The following DSC1 variants were observed in gnomAD, a reference collection of about 807,000 sequenced individuals.
The protein encoded by DSC1 is desmocollin-1.
A neutral mutation model predicts 98.8 loss-of-function variants in DSC1; 79 were observed. The ratio of observed to expected loss-of-function variants is 0.80; its 90% CI spans 0.67 to 0.96. The LOEUF (loss-of-function observed/expected upper bound fraction) is 0.96. DSC1 is among the 50% of genes least tolerant of loss of function. The probability of loss-of-function intolerance (pLI) is 0.00; values close to 1 mark genes in which losing one functional copy is unlikely to be tolerated. For synonymous variants in DSC1, 405 were observed against 372.1 expected (o/e 1.09, Z -1.02); for missense variants, 1,115 against 1,075.9 (o/e 1.04, Z -0.51).
chr18:31,143,934 T>C (rs1988790092), intron 7 of DSC1, 143 bp from the exon 8 acceptor site: 2 of 592,026 alleles, frequency 3.4e-6, no homozygotes, highest in East Asian at 3.8e-5. Context: ...TTATTTGAGA[T>C]GGGGTCTCAC....
chr18:31,140,407 A>G, intron 9 of DSC1, 106 bp from the exon 10 acceptor site: 1 of 1,260,310 alleles, frequency 7.9e-7, no homozygotes, highest in African/African-American at 1.5e-5. Context: ...TTAAAATGTA[A>G]CCTAAAGTTA....
At chr18:31,153,405 T>C (rs16961359) in intron 5 of DSC1, among the ~76,000 whole-genome samples, 2,252 of 152,306 alleles carry the variant, frequency 0.015, 56 homozygotes, top group African/African-American at 0.051. Context: ...CTTAGCTTAC[T>C]TCTCCTGTAA....
Position 31,157,364 on chromosome 18 carries a change from C to A in DSC1, c.351+7G>T. ...TGTGCTAGGCTGCTTAAGCCCTTGC[C>A]TTATACCTTGTTTTCTCTTGCTGAC... On this transcript the variant is annotated splice_region_variant and intron_variant, in intron 3 of 15. Transcript: ENST00000257198. The A allele has an allele frequency of 6.2e-7, 1 of 1,613,968 alleles. No individual in the cohort carries two copies. The highest frequency in any genetic ancestry group is 2.2e-5 in the East Asian group (1 of 44,882).
chr18:31,150,465 C>T (rs371924104), intron 5 of DSC1, among the ~76,000 whole-genome samples: 1 of 146,316 alleles, frequency 6.8e-6, no homozygotes. Context: ...CCACCATCAT[C>T]ATCACCAGCA....
chr18:31,144,957 T>A (rs1988813903), intron 7 of DSC1, among the ~76,000 whole-genome samples: 1 of 136,672 alleles, frequency 7.3e-6, no homozygotes, highest in East Asian at 2.5e-4. Flanking sequence ...TTTTTTTTTT[T>A]GAGACGGAGT....
In DSC1 at chr18:31,130,578, A is replaced by T. The variant is rs368506186; in HGVS notation, c.2621T>A (p.Leu874Gln). Residue 874 changes from leucine to glutamine, a missense_variant, in exon 16 of 16, where the codon CTG becomes CAG. By Grantham distance (113) the Leu-to-Gln change is moderately radical. Transcript: ENST00000257198. ...GGGTTCCAGGTGATCTAGAAACTCC[A>T]GTCCCTCTTCTTCCTGCCGATCGCT... The part of the protein sequence containing the change: ...CCSDRQEEEG[L>Q]EFLDHLEPKF... The T allele has an allele frequency of 1.2e-6, 2 of 1,614,066 alleles. No homozygotes were observed. Among genetic ancestry groups the T allele is most frequent in the African/African-American group, 2.7e-5 (2 of 74,930 alleles).
Position 31,140,204 on chromosome 18 carries a change from A to G in DSC1, c.1358T>C (p.Met453Thr), listed in dbSNP as rs1988703838. The G allele has an allele frequency of 6.2e-7, 1 of 1,613,910 alleles. No homozygotes were observed. Residue 453 changes from methionine to threonine, a missense_variant, in exon 10 of 16, where the codon ATG (methionine) becomes ACG (threonine). Transcript: ENST00000257198. ...TTTAACGGTGACAGTTGTAGTGCACATTGTAGGAGTTTGTGAGCTCGCTGC... is the reference window on the plus strand; with the variant it reads ...TTTAACGGTGACAGTTGTAGTGCACGTTGTAGGAGTTTGTGAGCTCGCTGC... ...SKAASSQTPT[M>T]CTTTVTVKII...
Position 31,143,803 on chromosome 18 carries a change from G to GA in DSC1, c.940-13dup. The GA allele has an allele frequency of 2.0e-6, 3 of 1,538,010 alleles. No homozygotes were observed. Among genetic ancestry groups the GA allele is most frequent in the Non-Finnish European group, 2.6e-6 (3 of 1,146,600 alleles). On this transcript the variant is annotated splice_polypyrimidine_tract_variant and intron_variant, in intron 7 of 15. Coordinates refer to ENST00000257198, the MANE Select transcript of DSC1 (RefSeq NM_024421.2). Reference sequence around the variant, plus strand: ...TAAGTATCACATTTCTGAAAAAAAGGAAAAAACTACATTAATGAACACTTT... The same window carrying GA: ...TAAGTATCACATTTCTGAAAAAAAGGAAAAAAACTACATTAATGAACACTTT...
At position 31,144,935 on chromosome 18, in the gene DSC1, T is replaced by C. The variant is rs1228558213; in HGVS notation, c.939+676A>G. The stretch of plus-strand genomic sequence containing the variant: ...ATGGGAACCGTCTGTATTTTCTTTT[T>C]CTTTCTTTTTTTTTTTTTTTTTGAG... On this transcript the variant is annotated intron_variant, in intron 7 of 15. Transcript: ENST00000257198. 6.0e-5 allele frequency among the ~76,000 whole-genome samples: 8 copies of C among 134,130 alleles called. No homozygotes were observed. The Admixed American group carries it at 6.4e-4, about 11-fold the overall frequency. The allele number at this position is 134,130 out of a possible 152,430, so 88.0% of individuals were successfully genotyped here.
chr18:31,130,934 T>G, intron 15 of DSC1: 2 of 1,185,194 alleles, frequency 1.7e-6, no homozygotes, highest in African/African-American at 3.1e-5. Context: ...TTTAAAAAAT[T>G]AAGACTACGC....
rs1475858767 is a variant in DSC1, at chr18:31,134,683, C to T, written c.1765G>A (p.Asp589Asn). The T allele has an allele frequency of 6.2e-7, 1 of 1,613,124 alleles. No individual in the cohort carries two copies. The highest frequency in any genetic ancestry group is 8.5e-7 in the Non-Finnish European group (1 of 1,179,518). Residue 589 changes from aspartate (D) to asparagine (N), a missense_variant, in exon 12 of 16, where the codon GAT (aspartate) becomes AAT (asparagine). Physicochemically the swap from Asp to Asn is conservative, Grantham distance 23 (BLOSUM62 1). Coordinates refer to ENST00000257198, the MANE Select transcript of DSC1 (RefSeq NM_024421.2). ...TCTACAGGTTTCAGAACAGCAAAAT[C>T]CTCATTATTCTGACAAATGGTCACT... ...KEVTICQNNEDFAVLKPVDPD... is the reference protein window; with the variant it reads ...KEVTICQNNENFAVLKPVDPD...
At chr18:31,135,530 C>A (rs1308169626) in intron 11 of DSC1, among the ~76,000 whole-genome samples, 1 of 152,102 alleles carries the variant, frequency 6.6e-6, no homozygotes, top group Non-Finnish European at 1.5e-5. Context: ...TAATGCAGTT[C>A]CTATTTTTAT....
At position 31,142,069 on chromosome 18, in the gene DSC1, C is replaced by T; in HGVS notation, c.1190G>A (p.Gly397Glu). 1 of 1,612,890 alleles carries T rather than the reference C, an allele frequency of 6.2e-7. No homozygotes were observed. The highest frequency in any genetic ancestry group is 8.5e-7 in the Non-Finnish European group (1 of 1,179,608). The part of the protein sequence containing the change: ...HSKAVYKILQ[G>E]NENGNFIIST... Reference sequence around the variant, plus strand: ...AATTATGAAGTTTCCATTTTCATTTCCTTGTAGGATTTTGTATACAGCCTT... The same window carrying T: ...AATTATGAAGTTTCCATTTTCATTTTCTTGTAGGATTTTGTATACAGCCTT... The change falls in exon 9 of 16, where the codon GGA becomes GAA. Residue 397 changes from glycine to glutamate, a missense_variant. Transcript: ENST00000257198.
At chr18:31,138,534 T>C (rs1004032167) in intron 11 of DSC1, among the ~76,000 whole-genome samples, 1 of 151,870 alleles carries the variant, frequency 6.6e-6, no homozygotes, top group African/African-American at 2.4e-5. Flanking sequence ...GGGGAATAAA[T>C]GAGTAAACAT....
At chr18:31,149,763 G>A (rs1988921261) in intron 5 of DSC1, among the ~76,000 whole-genome samples, 1 of 152,100 alleles carries the variant, frequency 6.6e-6, no homozygotes, top group African/African-American at 2.4e-5. Context: ...CATGTTCACT[G>A]TTCGTGCTAA....
At chr18:31,157,687 T>C in intron 2 of DSC1, 114 bp from the exon 3 acceptor site, 1 of 1,107,292 alleles carries the variant, frequency 9.0e-7, no homozygotes, top group East Asian at 2.4e-5. Context: ...GAGGTTACAT[T>C]TGGAATGTGC....
rs756699629 is a variant in DSC1, at chr18:31,157,497, G to C, written c.225C>G (p.Gly75=). 6.2e-7 allele frequency: 1 copy of C among 1,614,172 alleles called. No individual in the cohort carries two copies. The highest frequency in any genetic ancestry group is 8.5e-7 in the Non-Finnish European group (1 of 1,180,038). The change falls in exon 3 of 16, where the codon GGC becomes GGG. Residue 75 remains glycine, a synonymous_variant. Transcript: ENST00000257198. ...TGAGGTCATGTGTTGTGTAAATTGA[G>C]CCATCTTCTAGAATTCTGAAGGCAG... ...SDPAFRILED[G]SIYTTHDLIL...
intron 8 of DSC1, 77 bp downstream of exon 8, chr18:31,143,580 A>G: frequency 1.6e-6 from 2 of 1,213,840 alleles, no homozygotes; most frequent in Middle Eastern, 3.0e-4. Context: ...TTGTGATCTC[A>G]CAGAGCTACC....
rs146433457 is a variant in DSC1, at chr18:31,134,595, T to A, written c.1853A>T (p.Asn618Ile). The change falls in exon 12 of 16, where the codon AAC (asparagine) becomes ATC (isoleucine). Residue 618 changes from asparagine (N) to isoleucine (I), a missense_variant. Asn to Ile is a moderately radical substitution (Grantham distance 149, BLOSUM62 -3). Coordinates refer to ENST00000257198, the MANE Select transcript of DSC1 (RefSeq NM_024421.2). The stretch of plus-strand genomic sequence containing the variant: ...ACCATCCTTTTCTTCTATGTTCCAG[T>A]TTTTACTGGCAGAATTATCCAGAAA... ...QFFLDNSASK[N>I]WNIEEKDGKT... is the part of the protein sequence containing the mutation. The A allele has an allele frequency of 3.1e-6, 5 of 1,610,960 alleles. No individual in the cohort carries two copies. The highest frequency in any genetic ancestry group is 3.4e-6 in the Non-Finnish European group (4 of 1,178,220).
Sources: allele counts gnomAD v4.1 joint callset (sites outside exome capture counted in the v4.1 genomes callset), GRCh38; gene constraint gnomAD v4.1.1; transcripts MANE v1.5; gene names NCBI Gene and HGNC (gene_info 2026-07-23, HGNC 2026-07-21).